The following PTPDC1 variants were observed in gnomAD, a reference collection of about 807,000 sequenced individuals.
The protein encoded by PTPDC1 is protein tyrosine phosphatase domain containing 1.
PTPDC1 carries 53 observed loss-of-function variants against 75.3 expected under a neutral mutation model. That is an observed-to-expected ratio of 0.70 (90% CI 0.56 to 0.88). PTPDC1 has a LOEUF of 0.88. Among genes scored for constraint, PTPDC1 ranks in the 40% least tolerant of loss-of-function variants. The probability of loss-of-function intolerance (pLI) is 0.00; values close to 1 mark genes in which losing one functional copy is unlikely to be tolerated. For missense variants in PTPDC1, 925 were observed against 998.6 expected, an observed-to-expected ratio of 0.93 and a Z score of 0.99; for synonymous variants, 349 against 366.2, an observed-to-expected ratio of 0.95 and a Z score of 0.54.
chr9:94,085,275 A>C lies in PTPDC1; in HGVS notation c.269A>C (p.Lys90Thr), dbSNP rs770128291. ...GGAAATTTAGAACGTCCAACACCAA[A>C]GTACACAAAAGTAGGGGAGCGTTTA... ...SKGNLERPTPKYTKVGERLRH... is the reference protein window; with the variant it reads ...SKGNLERPTPTYTKVGERLRH... The change falls in exon 2 of 9, where the codon AAG (lysine) becomes ACG (threonine). Residue 90 changes from lysine to threonine, a missense_variant. Lys to Thr is a moderately conservative substitution (Grantham distance 78, BLOSUM62 -1). Transcript: ENST00000620992. 2.5e-6 allele frequency: 4 copies of C among 1,614,166 alleles called. No homozygotes were observed. The Admixed American group carries it at 6.7e-5, about 27-fold the overall frequency.
intron 1 of PTPDC1, among the ~76,000 whole-genome samples, chr9:94,033,107 C>T (rs547739044): frequency 6.6e-6 from 1 of 152,096 alleles, no homozygotes; most frequent in Admixed American, 6.5e-5. Context: ...AGTAATCTCC[C>T]GCCTCAGCCT....
intron 1 of PTPDC1, among the ~76,000 whole-genome samples, chr9:94,050,002 G>A (rs573549853): frequency 2.6e-5 from 4 of 151,988 alleles, no homozygotes; most frequent in Non-Finnish European, 4.4e-5. Context: ...CCAGTTGATC[G>A]AATCGGCTAC....
intron 6 of PTPDC1, among the ~76,000 whole-genome samples, chr9:94,099,675 AAAAGTCTT>A (rs1483134897): frequency 2.0e-5 from 3 of 152,236 alleles, no homozygotes; most frequent in African/African-American, 7.2e-5. Context: ...TCCAAACTGA[AAAAGTCTT>A]TCATTCAGTC....
chr9:94,042,798 T>G (rs543198322), intron 1 of PTPDC1, among the ~76,000 whole-genome samples: 77 of 152,228 alleles, frequency 5.1e-4, no homozygotes, highest in Non-Finnish European at 1.0e-3. Flanking sequence ...GGAACTTCTT[T>G]CAAAACTGGA....
intron 1 of PTPDC1, among the ~76,000 whole-genome samples, chr9:94,033,105 C>T (rs1829758421): frequency 6.6e-6 from 1 of 152,030 alleles, no homozygotes; most frequent in Non-Finnish European, 1.5e-5. Flanking sequence ...CAAGTAATCT[C>T]CCGCCTCAGC....
At chr9:94,038,086 C>A (rs1487373131) in intron 1 of PTPDC1, 2 of 549,006 alleles carry the variant, frequency 3.6e-6, no homozygotes, top group Non-Finnish European at 6.9e-6. Flanking sequence ...CCCAGTGACA[C>A]ACCGTGGAAA....
At position 94,032,405 on chromosome 9, in the gene PTPDC1, A is replaced by G. The variant is rs577252355; in HGVS notation, c.-7+1278A>G. Among the ~76,000 whole-genome samples the G allele has an allele frequency of 1.2e-4, 18 of 152,254 alleles. 1 individual carries two copies. The highest frequency in any genetic ancestry group is 1.0e-3 in the Admixed American group (16 of 15,290). The stretch of plus-strand genomic sequence containing the variant: ...TAGTCTAATTTCCCACCCAATCCCA[A>G]AGTCTTCGTGGGGTTGTACCCAAGG... On this transcript the variant is annotated intron_variant, in intron 1 of 9. Coordinates refer to the PTPDC1 transcript ENST00000375360.
chr9:94,043,751 G>A (rs1825504691), intron 1 of PTPDC1, among the ~76,000 whole-genome samples: 1 of 151,996 alleles, frequency 6.6e-6, no homozygotes, highest in South Asian at 2.1e-4. Context: ...GCAAACCAAA[G>A]GTCATGTAGC....
intron 7 of PTPDC1, among the ~76,000 whole-genome samples, chr9:94,104,014 A>C (rs556854370): frequency 6.6e-6 from 1 of 152,372 alleles, no homozygotes; most frequent in African/African-American, 2.4e-5. Context: ...CACTTGGTTT[A>C]AAAGTGCACT....
chr9:94,088,735 A>G lies in PTPDC1; in HGVS notation c.616+472A>G, dbSNP rs531490619. 2.6e-5 allele frequency among the ~76,000 whole-genome samples: 4 copies of G among 152,278 alleles called. No individual in the cohort carries two copies. The South Asian group carries it at 8.3e-4, about 32-fold the overall frequency. ...ATGCCCAGGAATTCTACTTCTAACA[A>G]TTTCAAAGCCGCCTCAATCACAGGA... On this transcript the variant is annotated intron_variant, in intron 4 of 8. Transcript: ENST00000620992.
At chr9:94,044,729 T>C (rs1288009559) in intron 1 of PTPDC1, among the ~76,000 whole-genome samples, 1 of 151,646 alleles carries the variant, frequency 6.6e-6, no homozygotes, top group Non-Finnish European at 1.5e-5. Flanking sequence ...CCTTTCTCTT[T>C]TTTTTTTTGT....
At chr9:94,089,210 C>G (rs995126866) in intron 4 of PTPDC1, among the ~76,000 whole-genome samples, 2 of 138,652 alleles carry the variant, frequency 1.4e-5, no homozygotes, top group African/African-American at 2.7e-5. Context: ...GGTATATCTC[C>G]CAATGCTATC....
At chr9:94,063,223 G>T (rs373742009) in intron 1 of PTPDC1, among the ~76,000 whole-genome samples, 2 of 152,186 alleles carry the variant, frequency 1.3e-5, no homozygotes, top group Non-Finnish European at 2.9e-5. Flanking sequence ...CAGGGCTAGC[G>T]TCCCAGCTGC....
Position 94,078,107 on chromosome 9 carries a change from C to T in PTPDC1, c.83-7144C>T, listed in dbSNP as rs539362377. On this transcript the variant is annotated intron_variant, in intron 2 of 9. Coordinates refer to the PTPDC1 transcript ENST00000375360. ...AATACATACTGTCTCTTCTAATTTG[C>T]CAGTGTCCTTTCTTTCACATGGATT... Among the ~76,000 whole-genome samples the T allele has an allele frequency of 3.3e-5, 5 of 152,316 alleles. No individual in the cohort carries two copies. In the East Asian group the frequency reaches 9.6e-4, roughly 29 times the overall value.
Position 94,107,831 on chromosome 9 carries a change from A to G in PTPDC1, c.2314A>G (p.Asn772Asp). The G allele has an allele frequency of 6.3e-7, 1 of 1,575,532 alleles. No homozygotes were observed. The highest frequency in any genetic ancestry group is 8.7e-7 in the Non-Finnish European group (1 of 1,155,348). Reference protein sequence around the residue: ...AHAIKAFTKVNFDSENGPTVY... With the variant: ...AHAIKAFTKVDFDSENGPTVY... The stretch of plus-strand genomic sequence containing the variant: ...ATATAAATTTCTTTGTCACCAGGTT[A>G]ATTTTGATTCTGAAAATGGACCAAC... Residue 772 changes from asparagine (N) to aspartate (D), a missense_variant, in exon 9 of 9, where the codon AAT becomes GAT. Transcript: ENST00000620992.
intron 8 of PTPDC1, among the ~76,000 whole-genome samples, chr9:94,105,647 A>G (rs1827990272): frequency 1.5e-5 from 2 of 135,710 alleles, no homozygotes; most frequent in South Asian, 5.0e-4. Flanking sequence ...CGGCCTGGCA[A>G]CAGAGCGAGA....
intron 1 of PTPDC1, among the ~76,000 whole-genome samples, chr9:94,063,915 GT>G (rs1041153470): frequency 6.6e-6 from 1 of 152,098 alleles, no homozygotes; most frequent in Non-Finnish European, 1.5e-5. Flanking sequence ...CGTAAACATG[GT>G]TTTGCCAAGA....
At position 94,097,742 on chromosome 9, in the gene PTPDC1, G is replaced by A. The variant is rs973536766; in HGVS notation, c.1176G>A (p.Arg392=). 1 of 1,614,070 alleles carries A rather than the reference G, an allele frequency of 6.2e-7. No homozygotes were observed. Among genetic ancestry groups the A allele is most frequent in the African/African-American group, 1.3e-5 (1 of 74,930 alleles). The change falls in exon 6 of 9, where the codon AGG becomes AGA. Residue 392 remains arginine (R), a synonymous_variant. Coordinates refer to ENST00000620992, the MANE Select transcript of PTPDC1 (RefSeq NM_001253829.2). ...VTMQLDKELL[R]HDSDVSNPPN... is the part of the protein sequence containing the mutation. ...TGCAGCTGGATAAAGAGTTACTGAG[G>A]CATGACAGTGATGTGTCCAACCCGC...
At chr9:94,032,517 G>A (rs966677108) in intron 1 of PTPDC1, among the ~76,000 whole-genome samples, 5 of 152,134 alleles carry the variant, frequency 3.3e-5, no homozygotes, top group African/African-American at 1.2e-4. Flanking sequence ...TCTTTTGTTG[G>A]AGGAAACCAA....
Sources: gnomAD v4.1 joint callset for allele counts (sites outside exome capture counted in the v4.1 genomes callset) on GRCh38, gnomAD v4.1.1 for gene constraint, MANE v1.5 for transcripts, NCBI Gene and HGNC (gene_info 2026-07-23, HGNC 2026-07-21) for gene names.